Variants in CDK20 observed in about 807,000 individuals in gnomAD.
CDK20 encodes the protein cyclin dependent kinase 20, also known as cyclin-dependent kinase 20.
Under a neutral mutation model 38.6 loss-of-function variants are expected in CDK20, and 40 were observed. The ratio of observed to expected loss-of-function variants is 1.04; its 90% CI spans 0.81 to 1.35. The LOEUF (loss-of-function observed/expected upper bound fraction) is 1.35, where lower values mean the gene tolerates loss of function less well. Ranked by LOEUF, CDK20 falls within the 40% of genes most tolerant of loss-of-function variation. The pLI is 0.00. For missense variants in CDK20, 512 were observed against 452.6 expected, an observed-to-expected ratio of 1.13 and a Z score of -1.19; for synonymous variants, 209 against 185.7, an observed-to-expected ratio of 1.13 and a Z score of -1.02.
chr9:87,967,838 G>A, intron 7 of CDK20, 179 bp from the exon 8 acceptor site: 3 of 562,600 alleles, frequency 5.3e-6, no homozygotes, highest in Non-Finnish European at 9.2e-6. Context: ...TAATAAAACA[G>A]ACAAAAGCTC....
intron 7 of CDK20, chr9:87,968,990 G>A (rs1454191637): frequency 3.2e-5 from 19 of 590,596 alleles, no homozygotes; most frequent in Non-Finnish European, 4.7e-5. Context: ...GGAAGTCTGG[G>A]GATGTCCAGT....
At position 87,967,154 on chromosome 9, in the gene CDK20, C is replaced by T. The variant is rs1242775721; in HGVS notation, c.*308G>A. 1.6e-6 allele frequency: 1 copy of T among 631,314 alleles called. No individual in the cohort carries two copies. Among genetic ancestry groups the T allele is most frequent in the Non-Finnish European group, 3.0e-6 (1 of 332,638 alleles). 39.1% of individuals were successfully genotyped at this position (631,314 alleles called of 1,614,324 possible). A position where few individuals can be genotyped will look rare whatever the true frequency, so the allele number is the denominator to read the frequency against. On this transcript the variant is annotated 3_prime_UTR_variant, in exon 8 of 8. Coordinates refer to ENST00000325303, the MANE Select transcript of CDK20 (RefSeq NM_001039803.3). ...CAGCACCAAGGCAGGCATCGTCATT[C>T]TGCATATGCAGGCCTTGACTGGCAG...
At chr9:87,970,547 G>C (rs1829771908) in intron 5 of CDK20, 21 bp downstream of exon 5, 11 of 1,608,338 alleles carry the variant, frequency 6.8e-6, no homozygotes, top group Non-Finnish European at 9.4e-6. Flanking sequence ...GTTACCCTTT[G>C]ACCACCCACA....
Position 87,969,267 on chromosome 9 carries a change from A to G in CDK20, c.770T>C (p.Val257Ala), listed in dbSNP as rs1469615212. 3.1e-6 allele frequency: 5 copies of G among 1,613,768 alleles called. No individual in the cohort carries two copies. Among genetic ancestry groups the G allele is most frequent in the Non-Finnish European group, 4.2e-6 (5 of 1,179,904 alleles). ...PMPLEEVLPD[V>A]SPQALDLLGQ... ...CAGCAGATCCAATGCCTGGGGAGAG[A>G]CGTCAGGCAGCACCTCCTCCAGGGG... The change falls in exon 7 of 8, where the codon GTC becomes GCC. Residue 257 changes from valine (V) to alanine (A), a missense_variant. Coordinates refer to ENST00000325303, the MANE Select transcript of CDK20 (RefSeq NM_001039803.3).
chr9:87,967,799 A>G, intron 7 of CDK20, 140 bp from the exon 8 acceptor site: 1 of 692,218 alleles, frequency 1.4e-6, no homozygotes, highest in Non-Finnish European at 2.3e-6. Context: ...TGTCTGAAGC[A>G]CTATTCCAGA....
In CDK20 at chr9:87,969,826, G is replaced by GATGCGA. The variant is rs1342977368; in HGVS notation, c.651_656dup (p.Arg218_Ile219dup). On this transcript the variant is annotated inframe_insertion, in exon 6 of 8. Coordinates refer to ENST00000325303, the MANE Select transcript of CDK20 (RefSeq NM_001039803.3). Reference sequence around the variant, plus strand: ...AGACTTGAGGGTTTGGGGTGCCCAAGATGCGAAGCACATAGCAAAGCTGTT... The same window carrying GATGCGA: ...AGACTTGAGGGTTTGGGGTGCCCAAGATGCGAATGCGAAGCACATAGCAAAGCTGTT... The GATGCGA allele has an allele frequency of 6.2e-7, 1 of 1,613,618 alleles. No homozygotes were observed. The highest frequency in any genetic ancestry group is 1.3e-5 in the African/African-American group (1 of 74,892).
At position 87,969,118 on chromosome 9, in the gene CDK20, A is replaced by G; in HGVS notation, c.843+76T>C. 8 of 1,530,684 alleles carry G rather than the reference A, an allele frequency of 5.2e-6. No homozygotes were observed. The Middle Eastern group carries it at 5.2e-4, about 100-fold the overall frequency. The allele number at this position is 1,530,684 out of a possible 1,614,324, so 94.8% of individuals were successfully genotyped here. A position where few individuals can be genotyped will look rare whatever the true frequency, so the allele number is the denominator to read the frequency against. On this transcript the variant is annotated intron_variant, in intron 7 of 7. Transcript: ENST00000325303. ...AGGGTCGCTGATGTGATGGGGTCAC[A>G]TGGCTACCAAGTACAGAGTACCAGG...
chr9:87,971,038 C>G (rs1355015455), intron 3 of CDK20, 109 bp downstream of exon 3: 1 of 1,497,568 alleles, frequency 6.7e-7, no homozygotes, highest in African/African-American at 1.4e-5. Context: ...ACCTGGAGGC[C>G]TTGACCAGCT....
intron 7 of CDK20, 191 bp from the exon 8 acceptor site, chr9:87,967,850 GT>G (rs1431943371): frequency 3.7e-6 from 2 of 542,516 alleles, no homozygotes; most frequent in African/African-American, 3.8e-5. Context: ...CAAAAGCTCT[GT>G]TTTTCTGACA....
At chr9:87,968,087 GTACTGACCCC>G (rs1829555016) in intron 7 of CDK20, 1 of 161,464 alleles carries the variant, frequency 6.2e-6, no homozygotes, top group South Asian at 1.8e-4. Context: ...GGACAAAAGT[GTACTGACCCC>G]TGGGGCTGGA....
At chr9:87,970,160 G>A in intron 5 of CDK20, 1 of 457,970 alleles carries the variant, frequency 2.2e-6, no homozygotes, top group Non-Finnish European at 3.8e-6. Flanking sequence ...GGGCAGACCT[G>A]CAAACCTGCC....
intron 7 of CDK20, 142 bp from the exon 8 acceptor site, chr9:87,967,801 T>C (rs1255189063): frequency 2.9e-6 from 2 of 684,582 alleles, no homozygotes; most frequent in Non-Finnish European, 4.7e-6. Context: ...TCTGAAGCAC[T>C]ATTCCAGAAG....
intron 6 of CDK20, 183 bp downstream of exon 6, chr9:87,969,613 A>G: frequency 1.0e-6 from 1 of 971,134 alleles, no homozygotes; most frequent in African/African-American, 1.6e-5. Context: ...AAAGGACAGG[A>G]TCTACCCCAA....
In CDK20 at chr9:87,970,877, C is replaced by A. The variant is rs747670662; in HGVS notation, c.399G>T (p.Leu133=). The change falls in exon 4 of 8, where the codon CTG becomes CTT. Residue 133 remains leucine, a synonymous_variant. Transcript: ENST00000325303. ...TGAGCTGGCCTGAGGCGCTGATGAGCAGGTTGGCAGGTTTCAGGTCCTGGG... is the reference window on the plus strand; with the variant it reads ...TGAGCTGGCCTGAGGCGCTGATGAGAAGGTTGGCAGGTTTCAGGTCCTGGG... ...IVHRDLKPAN[L]LISASGQLKI... is the part of the protein sequence containing the mutation. 6.2e-7 allele frequency: 1 copy of A among 1,614,170 alleles called. No homozygotes were observed. The highest frequency in any genetic ancestry group is 1.7e-5 in the Admixed American group (1 of 60,024).
At position 87,971,164 on chromosome 9, in the gene CDK20, T is replaced by G. The variant is rs766346750; in HGVS notation, c.361A>C (p.Asn121His). The G allele has an allele frequency of 1.9e-6, 3 of 1,614,086 alleles. No individual in the cohort carries two copies. In the South Asian group the frequency reaches 3.3e-5, roughly 18 times the overall value. The change falls in exon 3 of 8, where the codon AAC (asparagine) becomes CAC (histidine). Residue 121 changes from asparagine (N) to histidine (H), a missense_variant. Physicochemically the swap from Asn to His is moderately conservative, Grantham distance 68 (BLOSUM62 1). Coordinates refer to ENST00000325303, the MANE Select transcript of CDK20 (RefSeq NM_001039803.3). ...LLKGVAFCHANNIVHRDLKPA... is the reference protein window; with the variant it reads ...LLKGVAFCHAHNIVHRDLKPA... ...AGACTGACCCGATGTACAATGTTGT[T>G]GGCATGGCAGAAGGCGACACCCTTG...
chr9:87,970,668 A>G lies in CDK20; in HGVS notation c.501-38T>C, dbSNP rs577515472. On this transcript the variant is annotated intron_variant, in intron 4 of 7. Transcript: ENST00000325303. ...GGGCTGGCAGGCACTGGGCTGAGAA[A>G]AGGATGCCTGGGGAGGTGACCCCAG... The G allele has an allele frequency of 1.5e-4, 237 of 1,613,844 alleles. 4 individuals carry two copies. In the South Asian group the frequency reaches 2.6e-3, roughly 17 times the overall value.
chr9:87,971,374 C>CA (rs1564158643), intron 2 of CDK20, 39 bp from the exon 3 acceptor site: 2 of 1,568,546 alleles, frequency 1.3e-6, no homozygotes, highest in South Asian at 1.2e-5. Flanking sequence ...AGACTCAAGT[C>CA]ACCAGACCCT....
chr9:87,967,216 A>G lies in CDK20; in HGVS notation c.*246T>C. ...GTCCTGATGGGTACGTCAGTAGCAC[A>G]CAGAAGGTAAGGCTCACCGAGCACA... On this transcript the variant is annotated 3_prime_UTR_variant, in exon 8 of 8. Coordinates refer to ENST00000325303, the MANE Select transcript of CDK20 (RefSeq NM_001039803.3). 1 of 691,572 alleles carries G rather than the reference A, an allele frequency of 1.4e-6. No individual in the cohort carries two copies. Among genetic ancestry groups the G allele is most frequent in the South Asian group, 1.4e-5 (1 of 69,530 alleles). The allele number at this position is 691,572 out of a possible 1,614,324, so 42.8% of individuals were successfully genotyped here.
chr9:87,969,728 G>A, intron 6 of CDK20, 68 bp downstream of exon 6: 2 of 1,605,088 alleles, frequency 1.2e-6, no homozygotes. Flanking sequence ...AGGGGAGGGA[G>A]TGGTTACTTG....
Sources: allele counts gnomAD v4.1 joint callset, GRCh38; gene constraint gnomAD v4.1.1; transcripts MANE v1.5; gene names NCBI Gene and HGNC (gene_info 2026-07-23, HGNC 2026-07-21).